Variants in RAB40B observed in about 807,000 individuals in gnomAD.
The protein encoded by RAB40B is ras-related protein Rab-40B.
Under a neutral mutation model 24.0 loss-of-function variants are expected in RAB40B, and 21 were observed. That is an observed-to-expected ratio of 0.88 (90% confidence interval 0.62 to 1.26). The LOEUF (loss-of-function observed/expected upper bound fraction) is 1.26, where lower values mean the gene tolerates loss of function less well. Ranked by LOEUF, RAB40B falls within the 50% of genes most tolerant of loss-of-function variation. The pLI, the probability that RAB40B is intolerant of heterozygous loss-of-function variation, is 0.00. For synonymous variants in RAB40B, 167 were observed against 169.8 expected (o/e 0.98, Z 0.13); for missense variants, 348 against 390.5 (o/e 0.89, Z 0.92).
chr17:82,673,616 C>A (rs979518559), intron 1 of RAB40B, among the ~76,000 whole-genome samples: 1 of 152,246 alleles, frequency 6.6e-6, no homozygotes, highest in Admixed American at 6.5e-5. Context: ...CCCTTAAACA[C>A]GTTCAGTCAT....
Position 82,662,772 on chromosome 17 carries a change from G to A in RAB40B, c.203+1724C>T, listed in dbSNP as rs1326619022. ...AGGTGAGAGGGAGAAAAGTGTGAGG[G>A]TGACTGTTCGGCCCACTGGGCAGCT... On this transcript the variant is annotated intron_variant, in intron 2 of 5. Transcript: ENST00000571995. The A allele has an allele frequency of 3.0e-6, 3 of 985,270 alleles. No individual in the cohort carries two copies. In the African/African-American group the frequency reaches 5.2e-5, roughly 17 times the overall value. The allele number at this position is 985,270 out of a possible 1,614,324, so 61.0% of individuals were successfully genotyped here.
intron 1 of RAB40B, among the ~76,000 whole-genome samples, chr17:82,668,503 C>A (rs867398435): frequency 4.3e-4 from 65 of 152,374 alleles, no homozygotes; most frequent in Middle Eastern, 3.4e-3. Flanking sequence ...CCACCCTCAG[C>A]CCTCCCTCAG....
intron 5 of RAB40B, 47 bp downstream of exon 5, chr17:82,658,444 G>A (rs370858079): frequency 5.7e-6 from 9 of 1,590,250 alleles, no homozygotes; most frequent in African/African-American, 2.7e-5. Context: ...GACCCACCTC[G>A]GCATCTGGAG....
chr17:82,685,717 T>C (rs919719915), intron 1 of RAB40B, among the ~76,000 whole-genome samples: 82 of 152,304 alleles, frequency 5.4e-4, no homozygotes, highest in African/African-American at 1.9e-3. Flanking sequence ...CATCTATCTA[T>C]ACTGGGTTGA....
chr17:82,681,840 C>T lies in RAB40B; in HGVS notation c.142+16615G>A, dbSNP rs192934213. On this transcript the variant is annotated intron_variant, in intron 1 of 5. Coordinates refer to ENST00000571995, the MANE Select transcript of RAB40B (RefSeq NM_006822.3). ...ATCCAATACCTTTTCACAACAAAAGCTCTCAGCAAACTAGGAATACAATTC... is the reference window on the plus strand; with the variant it reads ...ATCCAATACCTTTTCACAACAAAAGTTCTCAGCAAACTAGGAATACAATTC... Among the ~76,000 whole-genome samples, 14 of 152,174 alleles carry T rather than the reference C, an allele frequency of 9.2e-5. No homozygotes were observed. In the East Asian group the frequency reaches 2.7e-3, roughly 29 times the overall value.
intron 1 of RAB40B, among the ~76,000 whole-genome samples, chr17:82,677,518 C>T (rs2046406289): frequency 6.6e-6 from 1 of 152,228 alleles, no homozygotes; most frequent in Non-Finnish European, 1.5e-5. Context: ...CCCCTTGCCA[C>T]AGGTCCGAGG....
At chr17:82,658,922 G>A in intron 4 of RAB40B, 1 of 557,320 alleles carries the variant, frequency 1.8e-6, no homozygotes, top group Admixed American at 3.1e-5. Flanking sequence ...CTAATGACTG[G>A]TGTCCTTGGG....
Position 82,698,534 on chromosome 17 carries a change from G to A in RAB40B, c.63C>T (p.Gly21=). ...TCTCGCCCTTGCCCACGTCGCTGTC[G>A]CCCACCAGCAGGAACTTGAGCAGAA... ...YDFLLKFLLV[G]DSDVGKGEIL... is the part of the protein sequence containing the mutation. The change falls in exon 1 of 6, where the codon GGC becomes GGT. Residue 21 remains glycine (G), a synonymous_variant. Transcript: ENST00000571995. 3 of 1,528,778 alleles carry A rather than the reference G, an allele frequency of 2.0e-6. No individual in the cohort carries two copies. Among genetic ancestry groups the A allele is most frequent in the African/African-American group, 1.4e-5 (1 of 69,348 alleles). The allele number at this position is 1,528,778 out of a possible 1,614,324, so 94.7% of individuals were successfully genotyped here.
intron 1 of RAB40B, among the ~76,000 whole-genome samples, chr17:82,677,884 G>A (rs1054838067): frequency 1.3e-5 from 2 of 152,198 alleles, no homozygotes; most frequent in Non-Finnish European, 1.5e-5. Context: ...AGCCCAGAAC[G>A]TCTGGACACT....
chr17:82,663,586 C>T lies in RAB40B; in HGVS notation c.203+910G>A, dbSNP rs1340424097. 2.0e-5 allele frequency among the ~76,000 whole-genome samples: 3 copies of T among 151,906 alleles called. No homozygotes were observed. Among genetic ancestry groups the T allele is most frequent in the African/African-American group, 7.3e-5 (3 of 41,332 alleles). ...CCAAGGTGAGGAGCTGGGGTTCTCA[C>T]AGCTGAGAGAGCAGAGCCAGCAGCC... On this transcript the variant is annotated intron_variant, in intron 2 of 5. Transcript: ENST00000571995. This position sits in a 1 kb window ranked among gnomAD's most constrained non-coding sequence, Gnocchi z 6.2.
intron 4 of RAB40B, chr17:82,658,914 A>C: frequency 1.8e-6 from 1 of 563,934 alleles, no homozygotes; most frequent in Non-Finnish European, 3.2e-6. Context: ...GCCCTCATCT[A>C]ATGACTGGTG....
At position 82,697,708 on chromosome 17, in the gene RAB40B, G is replaced by C. The variant is rs1598323251; in HGVS notation, c.142+747C>G. On this transcript the variant is annotated intron_variant, in intron 1 of 5. Coordinates refer to ENST00000571995, the MANE Select transcript of RAB40B (RefSeq NM_006822.3). This position sits in a 1 kb window ranked among gnomAD's most constrained non-coding sequence, Gnocchi z 4.9. ...TTCCTGCCCCCGCCTTTCTTTCCCCGGAGCCGTCCACCCCCTCGCCGGGCG... is the reference window on the plus strand; with the variant it reads ...TTCCTGCCCCCGCCTTTCTTTCCCCCGAGCCGTCCACCCCCTCGCCGGGCG... Among the ~76,000 whole-genome samples, 1 of 152,104 alleles carries C rather than the reference G, an allele frequency of 6.6e-6. No homozygotes were observed.
intron 1 of RAB40B, among the ~76,000 whole-genome samples, chr17:82,698,121 G>C (rs2046630817): frequency 6.6e-6 from 1 of 151,980 alleles, no homozygotes; most frequent in African/African-American, 2.4e-5. Context: ...CCCAGCGCCC[G>C]GCCCAGCCGC....
At chr17:82,684,738 C>T (rs747887347) in intron 1 of RAB40B, among the ~76,000 whole-genome samples, 4 of 152,110 alleles carry the variant, frequency 2.6e-5, no homozygotes, top group Non-Finnish European at 4.4e-5. Flanking sequence ...GGGCTGCCTA[C>T]AAAGAGGCTG....
Position 82,692,609 on chromosome 17 carries a change from C to T in RAB40B, c.142+5846G>A, listed in dbSNP as rs927949211. The stretch of plus-strand genomic sequence containing the variant: ...ATGCGGGGTGGGGGTGGGGGGCATC[C>T]GACTGAAAAAAGTGTGTCTCGATCC... On this transcript the variant is annotated intron_variant, in intron 1 of 5. Coordinates refer to ENST00000571995, the MANE Select transcript of RAB40B (RefSeq NM_006822.3). The surrounding 1 kb of genome is among the most constrained non-coding windows in gnomAD (Gnocchi z 4.0). 2.0e-5 allele frequency among the ~76,000 whole-genome samples: 3 copies of T among 152,078 alleles called. No individual in the cohort carries two copies. Among genetic ancestry groups the T allele is most frequent in the African/African-American group, 4.8e-5 (2 of 41,378 alleles).
intron 1 of RAB40B, among the ~76,000 whole-genome samples, chr17:82,665,867 AAAAC>A (rs2046248788): frequency 6.6e-6 from 1 of 151,442 alleles, no homozygotes; most frequent in Admixed American, 6.6e-5. Flanking sequence ...ACTCTGTATC[AAAAC>A]AAACAACAAG....
chr17:82,670,637 G>C (rs570752167), intron 1 of RAB40B, among the ~76,000 whole-genome samples: 1 of 151,334 alleles, frequency 6.6e-6, no homozygotes. Context: ...CGGGTTCAAG[G>C]GATTCTCCTG....
chr17:82,690,197 T>A (rs1401709015), intron 1 of RAB40B, among the ~76,000 whole-genome samples: 1 of 151,942 alleles, frequency 6.6e-6, no homozygotes, highest in Admixed American at 6.6e-5. Flanking sequence ...TGTGCATGTG[T>A]GTCCAGGGGA....
intron 2 of RAB40B, chr17:82,661,935 GGT>G (rs1000816409): frequency 6.5e-5 from 64 of 984,738 alleles, no homozygotes; most frequent in Non-Finnish European, 7.4e-5. Flanking sequence ...GGGTGGAAAG[GGT>G]GCTCCCCAGG....
Sources: gnomAD v4.1 joint callset for allele counts (sites outside exome capture counted in the v4.1 genomes callset) on GRCh38, gnomAD v4.1.1 for gene constraint, Gnocchi (gnomAD v3.1) non-coding constraint, MANE v1.5 for transcripts, NCBI Gene and HGNC (gene_info 2026-07-23, HGNC 2026-07-21) for gene names.